USP32: variants seen among roughly 807,000 people sequenced by gnomAD.
USP32 encodes ubiquitin carboxyl-terminal hydrolase 32.
Under a neutral mutation model 204.8 loss-of-function variants are expected in USP32, and 59 were observed. The observed-to-expected ratio is 0.29, with a 90% CI of 0.23 to 0.36. USP32 has a LOEUF of 0.36. USP32 is among the 10% of genes least tolerant of loss of function. The pLI, the probability that USP32 is intolerant of heterozygous loss-of-function variation, is 1.00. For missense variants in USP32, 1,160 were observed against 1,946.4 expected, an observed-to-expected ratio of 0.60 and a Z score of 7.60; for synonymous variants, 517 against 678.4, an observed-to-expected ratio of 0.76 and a Z score of 3.70.
chr17:60,346,030 T>G (rs2146006224), intron 1 of USP32, among the ~76,000 whole-genome samples: 1 of 152,222 alleles, frequency 6.6e-6, no homozygotes, highest in Middle Eastern at 3.4e-3. Context: ...TGGCAAGCAT[T>G]ACACTTCTTT....
intron 5 of USP32, among the ~76,000 whole-genome samples, chr17:60,275,014 T>G (rs1346020804): frequency 6.6e-6 from 1 of 152,226 alleles, no homozygotes. Context: ...ATAAAATTTA[T>G]TCATTTGTTT....
intron 1 of USP32, among the ~76,000 whole-genome samples, chr17:60,406,530 T>C (rs1167371406): frequency 6.6e-6 from 1 of 151,890 alleles, no homozygotes; most frequent in Non-Finnish European, 1.5e-5. Flanking sequence ...TTTTTCTCTT[T>C]TTTGAGACAG....
intron 2 of USP32, among the ~76,000 whole-genome samples, chr17:60,326,252 C>G (rs2088234178): frequency 6.6e-6 from 1 of 151,898 alleles, no homozygotes; most frequent in Non-Finnish European, 1.5e-5. Flanking sequence ...CATTTCATCA[C>G]ACCCTCTGCC....
chr17:60,204,501 C>G (rs962693503), intron 26 of USP32, among the ~76,000 whole-genome samples: 1 of 147,164 alleles, frequency 6.8e-6, no homozygotes, highest in Non-Finnish European at 1.5e-5. Flanking sequence ...CAAAGTCTCA[C>G]TTTATCACCC....
intron 1 of USP32, among the ~76,000 whole-genome samples, chr17:60,348,283 T>C (rs893676694): frequency 2.6e-5 from 4 of 151,764 alleles, no homozygotes; most frequent in Non-Finnish European, 5.9e-5. Context: ...ATTAAAACCA[T>C]GAGGAAGAAG....
chr17:60,339,911 A>G (rs1466750992), intron 2 of USP32, among the ~76,000 whole-genome samples: 2 of 152,250 alleles, frequency 1.3e-5, no homozygotes, highest in Admixed American at 6.5e-5. Context: ...ACAAAACATT[A>G]TTAGCTAGGG....
At chr17:60,338,324 CAAAA>C (rs535885155) in intron 2 of USP32, among the ~76,000 whole-genome samples, 3 of 94,612 alleles carry the variant, frequency 3.2e-5, no homozygotes, top group African/African-American at 3.8e-5. Flanking sequence ...GACTCTATCT[CAAAA>C]AAAAAAAAAA....
intron 11 of USP32, among the ~76,000 whole-genome samples, chr17:60,237,993 GT>G (rs1240491493): frequency 6.6e-6 from 1 of 152,122 alleles, no homozygotes; most frequent in Non-Finnish European, 1.5e-5. Context: ...CTGCCAAACT[GT>G]TTTCCACAGT....
chr17:60,264,447 C>T (rs192074213), intron 9 of USP32, among the ~76,000 whole-genome samples: 2 of 150,852 alleles, frequency 1.3e-5, no homozygotes, highest in Admixed American at 6.6e-5. Context: ...CCCAGGAGGT[C>T]GAGGCTGCAG....
upstream of USP32, among the ~76,000 whole-genome samples, chr17:60,392,896 C>G (rs1045159737): frequency 1.3e-5 from 2 of 152,172 alleles, no homozygotes; most frequent in African/African-American, 4.8e-5. Context: ...CTTATCCTCT[C>G]TCCCAGAGTT....
chr17:60,198,205 G>A (rs1247978786), intron 27 of USP32, 55 bp downstream of exon 27: 1 of 1,582,580 alleles, frequency 6.3e-7, no homozygotes, highest in East Asian at 2.2e-5. Flanking sequence ...AATTCATATA[G>A]ATTATTTTTC....
intron 29 of USP32, 142 bp from the exon 30 acceptor site, chr17:60,185,793 G>A (rs1328684751): frequency 7.8e-6 from 8 of 1,022,170 alleles, no homozygotes; most frequent in Non-Finnish European, 1.1e-5. Context: ...TGGGTATGGT[G>A]GCTCATGCCT....
chr17:60,416,943 A>C (rs962603079), intron 1 of USP32, among the ~76,000 whole-genome samples: 1 of 148,596 alleles, frequency 6.7e-6, no homozygotes, highest in African/African-American at 2.5e-5. Context: ...TTTGAGACAG[A>C]GTCTCAATCT....
At position 60,283,711 on chromosome 17, in the gene USP32, G is replaced by A. The variant is rs562438699; in HGVS notation, c.571+4812C>T. 1.2e-3 allele frequency among the ~76,000 whole-genome samples: 185 copies of A among 151,546 alleles called. 1 individual carries two copies. The highest frequency in any genetic ancestry group is 4.3e-3 in the African/African-American group (179 of 41,290). On this transcript the variant is annotated intron_variant, in intron 5 of 33. Transcript: ENST00000300896. ...AATACCTTTAGGTGGATCATGGCAG[G>A]GAAAGATGAATTCACTTTAGATATA...
Position 60,222,480 on chromosome 17 carries a change from C to T in USP32, c.1678G>A (p.Glu560Lys). The change falls in exon 15 of 34, where the codon GAA (glutamate) becomes AAA (lysine). Residue 560 changes from glutamate to lysine, a missense_variant. Glu to Lys is a moderately conservative substitution (Grantham distance 56). Around this residue, in one of 8 missense-constraint regions of USP32, gnomAD observed 536 missense variants for 680.9 expected, o/e 0.79. Coordinates refer to ENST00000300896, the MANE Select transcript of USP32 (RefSeq NM_032582.4). ...CTCCACACAGGTTCTGGGACCATTT[C>T]ATAGTCTCTTCCATGAATCAGCTGT... ...TPQLIHGRDY[E>K]MVPEPVWRAL... 6.2e-7 allele frequency: 1 copy of T among 1,614,166 alleles called. No homozygotes were observed. Among genetic ancestry groups the T allele is most frequent in the Non-Finnish European group, 8.5e-7 (1 of 1,180,020 alleles).
chr17:60,328,198 C>A (rs976311706), intron 2 of USP32, among the ~76,000 whole-genome samples: 4 of 152,194 alleles, frequency 2.6e-5, no homozygotes, highest in African/African-American at 9.6e-5. Flanking sequence ...TCAGTGCATA[C>A]TTCCTCCCCT....
chr17:60,303,852 C>T (rs528143180), intron 2 of USP32, among the ~76,000 whole-genome samples: 7 of 151,760 alleles, frequency 4.6e-5, no homozygotes, highest in East Asian at 3.9e-4. Context: ...TTATCCAAAA[C>T]GAAACAAAAG....
At chr17:60,258,850 A>G (rs1056249289) in intron 9 of USP32, among the ~76,000 whole-genome samples, 1 of 152,210 alleles carries the variant, frequency 6.6e-6, no homozygotes, top group African/African-American at 2.4e-5. Flanking sequence ...TGCAGCATAT[A>G]CAATAAGGTA....
intron 1 of USP32, among the ~76,000 whole-genome samples, chr17:60,368,807 G>T (rs562984686): frequency 1.3e-5 from 2 of 152,058 alleles, no homozygotes; most frequent in East Asian, 3.9e-4. Flanking sequence ...ATAAGCGAAA[G>T]TGTACAAACA....
Sources: gnomAD v4.1 joint callset for allele counts (sites outside exome capture counted in the v4.1 genomes callset) on GRCh38, gnomAD v4.1.1 for gene constraint, gnomAD v4.1.1 regional missense constraint, MANE v1.5 for transcripts, NCBI Gene and HGNC (gene_info 2026-07-23, HGNC 2026-07-21) for gene names.